Variants in ME3 observed in about 807,000 individuals in gnomAD.
ME3 encodes NADP-dependent malic enzyme, mitochondrial.
Under a neutral mutation model 68.9 loss-of-function variants are expected in ME3, and 48 were observed. The ratio of observed to expected loss-of-function variants is 0.70; its 90% CI spans 0.55 to 0.89. The LOEUF (loss-of-function observed/expected upper bound fraction) is 0.89. Ranked by LOEUF, ME3 falls within the 40% of genes least tolerant of loss-of-function variation. The pLI, the probability that ME3 is intolerant of heterozygous loss-of-function variation, is 0.00. For synonymous variants in ME3, 320 were observed against 318.8 expected, an observed-to-expected ratio of 1.00 and a Z score of -0.04; for missense variants, 675 against 797.4, an observed-to-expected ratio of 0.85 and a Z score of 1.85.
At chr11:86,516,116 T>G (rs1025800082) in intron 4 of ME3, among the ~76,000 whole-genome samples, 1 of 152,196 alleles carries the variant, frequency 6.6e-6, no homozygotes, top group African/African-American at 2.4e-5. Flanking sequence ...ATGGAAATCT[T>G]GCTTTTAATA....
intron 2 of ME3, among the ~76,000 whole-genome samples, chr11:86,569,511 G>C (rs547497544): frequency 2.0e-5 from 3 of 152,082 alleles, no homozygotes; most frequent in Non-Finnish European, 4.4e-5. Context: ...TAGCACATGC[G>C]ATGTGTCTCC....
chr11:86,487,552 G>C (rs1010574465), intron 6 of ME3, 112 bp from the exon 7 acceptor site: 14 of 804,840 alleles, frequency 1.7e-5, no homozygotes, highest in South Asian at 1.5e-4. Context: ...AGGAGAGGGG[G>C]GAGTAAGAAG....
intron 5 of ME3, among the ~76,000 whole-genome samples, chr11:86,500,601 G>T (rs1192331333): frequency 2.0e-5 from 3 of 152,136 alleles, no homozygotes; most frequent in Admixed American, 1.3e-4. Flanking sequence ...ACTTTGAACT[G>T]TCCATAGAAT....
intron 8 of ME3, among the ~76,000 whole-genome samples, chr11:86,460,900 G>C (rs763709768): frequency 6.6e-6 from 1 of 152,240 alleles, no homozygotes; most frequent in Non-Finnish European, 1.5e-5. Context: ...CTCATTGTCT[G>C]CTTAACAATG....
At chr11:86,475,874 T>TAGAG (rs1555206746) in intron 7 of ME3, among the ~76,000 whole-genome samples, 5,090 of 91,300 alleles carry the variant, frequency 0.056, 210 homozygotes, top group African/African-American at 0.075. Flanking sequence ...TATATATATA[T>TAGAG]AGAGAGAGAG....
intron 4 of ME3, among the ~76,000 whole-genome samples, chr11:86,548,280 C>T (rs1956478918): frequency 3.9e-5 from 6 of 152,200 alleles, no homozygotes. Flanking sequence ...ATAAATGTTC[C>T]TTCTCTCCTC....
At chr11:86,487,128 C>G (rs1951739700) in intron 7 of ME3, among the ~76,000 whole-genome samples, 1 of 152,194 alleles carries the variant, frequency 6.6e-6, no homozygotes, top group Non-Finnish European at 1.5e-5. Context: ...TCATTCCCTC[C>G]CCTCACTGCT....
In ME3 at chr11:86,598,116, C is replaced by A. The variant is rs566278155; in HGVS notation, c.184-38293G>T. On this transcript the variant is annotated intron_variant, in intron 2 of 14. Coordinates refer to ENST00000543262, the Ensembl canonical transcript of ME3. Reference sequence around the variant, plus strand: ...TGGGCGCAGGACAGTGGGTGCAGTGCACCATGCGCCAGCCGAAGCAGGGCA... The same window carrying A: ...TGGGCGCAGGACAGTGGGTGCAGTGAACCATGCGCCAGCCGAAGCAGGGCA... 8.5e-4 allele frequency among the ~76,000 whole-genome samples: 130 copies of A among 152,264 alleles called. 1 individual carries two copies. Among genetic ancestry groups the A allele is most frequent in the African/African-American group, 3.0e-3 (126 of 41,564 alleles).
intron 2 of ME3, among the ~76,000 whole-genome samples, chr11:86,635,883 G>A (rs1944302675): frequency 6.6e-6 from 1 of 152,230 alleles, no homozygotes; most frequent in African/African-American, 2.4e-5. Flanking sequence ...GGGAAGTTGA[G>A]AGATAAGCAC....
intron 2 of ME3, among the ~76,000 whole-genome samples, chr11:86,655,036 A>T (rs1366203818): frequency 6.6e-6 from 1 of 152,230 alleles, no homozygotes; most frequent in Non-Finnish European, 1.5e-5. Flanking sequence ...AATCCAACTT[A>T]CAAGGGATGT....
At chr11:86,437,062 C>T (rs1320159535), downstream of ME3, 1 of 151,936 alleles carries the variant, frequency 6.6e-6, no homozygotes, top group Non-Finnish European at 1.5e-5. Context: ...AATTCTTATC[C>T]CTCACTCTTC....
intron 4 of ME3, among the ~76,000 whole-genome samples, chr11:86,521,917 G>A (rs1954340380): frequency 6.6e-6 from 1 of 152,006 alleles, no homozygotes; most frequent in South Asian, 2.1e-4. Flanking sequence ...ATATCCACAG[G>A]TTCTACATCT....
chr11:86,524,376 G>C (rs992488673), intron 4 of ME3, among the ~76,000 whole-genome samples: 2 of 152,194 alleles, frequency 1.3e-5, no homozygotes, highest in African/African-American at 4.8e-5. Flanking sequence ...CTATCTGCTT[G>C]TTTTTCCAAA....
chr11:86,606,014 C>T (rs1961589197), intron 2 of ME3, among the ~76,000 whole-genome samples: 1 of 152,168 alleles, frequency 6.6e-6, no homozygotes, highest in African/African-American at 2.4e-5. Flanking sequence ...CTTCTGGAGG[C>T]TGTGTGCATC....
intron 2 of ME3, among the ~76,000 whole-genome samples, chr11:86,593,537 C>T (rs561145229): frequency 6.8e-6 from 1 of 146,612 alleles, no homozygotes; most frequent in African/African-American, 2.5e-5. Flanking sequence ...CAAGCCCGAC[C>T]TCCATCTCCC....
At chr11:86,635,359 G>A (rs772427130) in intron 2 of ME3, among the ~76,000 whole-genome samples, 11 of 152,166 alleles carry the variant, frequency 7.2e-5, no homozygotes, top group Non-Finnish European at 1.6e-4. Context: ...CAGGGAGAGG[G>A]CCCTCACCAG....
intron 4 of ME3, among the ~76,000 whole-genome samples, chr11:86,534,845 G>A (rs1327610235): frequency 6.6e-6 from 1 of 152,096 alleles, no homozygotes; most frequent in Non-Finnish European, 1.5e-5. Flanking sequence ...CCAGGGTAAT[G>A]TTTAAGAAAA....
intron 5 of ME3, among the ~76,000 whole-genome samples, chr11:86,499,059 G>A (rs1010793630): frequency 2.0e-5 from 3 of 152,166 alleles, no homozygotes; most frequent in South Asian, 2.1e-4. Context: ...GCAGAGATTA[G>A]AAGATGGGAG....
chr11:86,458,728 G>A (rs1950075335), intron 8 of ME3, among the ~76,000 whole-genome samples: 1 of 152,158 alleles, frequency 6.6e-6, no homozygotes, highest in Non-Finnish European at 1.5e-5. Flanking sequence ...GCTACTCAGT[G>A]TGTGTAGTGG....
Sources: allele counts gnomAD v4.1 joint callset (sites outside exome capture counted in the v4.1 genomes callset), GRCh38; gene constraint gnomAD v4.1.1; transcripts MANE v1.5; gene names NCBI Gene and HGNC (gene_info 2026-07-23, HGNC 2026-07-21).